OSBPL1A: variants seen among roughly 807,000 people sequenced by gnomAD.
OSBPL1A encodes the protein oxysterol binding protein like 1A.
Under a neutral mutation model 137.1 loss-of-function variants are expected in OSBPL1A, and 80 were observed. That is an observed-to-expected ratio of 0.58 (90% CI 0.49 to 0.70). The LOEUF is 0.70. OSBPL1A is among the 30% of genes least tolerant of loss of function. OSBPL1A has a pLI of 0.00. For missense variants in OSBPL1A, 970 were observed against 1,129.4 expected (o/e 0.86, Z 2.02); for synonymous variants, 365 against 389.7 (o/e 0.94, Z 0.75).
chr18:24,258,993 A>G (rs959456857), intron 15 of OSBPL1A, among the ~76,000 whole-genome samples: 2 of 130,732 alleles, frequency 1.5e-5, no homozygotes, highest in South Asian at 2.4e-4. Context: ...GCTGGAGTGC[A>G]GTGGCAGGAT....
rs778887750 is a variant in OSBPL1A at position 24,239,263 on chromosome 18, G to T, written c.1401C>A (p.Pro467=). 2 of 1,614,074 alleles carry T rather than the reference G, an allele frequency of 1.2e-6. No individual in the cohort carries two copies. Among genetic ancestry groups the T allele is most frequent in the Middle Eastern group, 1.7e-4 (1 of 6,054 alleles). The change falls in exon 16 of 28, where the codon CCC becomes CCA. Residue 467 remains proline (P), a synonymous_variant. Transcript: ENST00000319481. ...LEQSLVKGSP[P]ASILSEDEFY... ...ACTCGTCCTCGCTAAGGATGCTGGC[G>T]GGTGGAGAGCCTTTCACCAGAGACT...
chr18:24,388,628 C>T (rs1269999654), intron 1 of OSBPL1A, among the ~76,000 whole-genome samples: 1 of 151,732 alleles, frequency 6.6e-6, no homozygotes, highest in Non-Finnish European at 1.5e-5. Flanking sequence ...GGCGAAACTC[C>T]GTCTCTACTA....
At chr18:24,179,178 A>T (rs1023793885) in intron 20 of OSBPL1A, 5 of 152,618 alleles carry the variant, frequency 3.3e-5, no homozygotes, top group African/African-American at 1.2e-4. Context: ...TGCCAAACTT[A>T]GTGCAGACAC....
At chr18:24,325,813 A>C (rs1239522784) in intron 7 of OSBPL1A, among the ~76,000 whole-genome samples, 1 of 152,262 alleles carries the variant, frequency 6.6e-6, no homozygotes, top group Non-Finnish European at 1.5e-5. Context: ...ACAAAATTAA[A>C]CATTTATCAA....
intron 4 of OSBPL1A, among the ~76,000 whole-genome samples, chr18:24,363,117 T>C (rs2091648573): frequency 6.6e-6 from 1 of 152,224 alleles, no homozygotes; most frequent in East Asian, 1.9e-4. Context: ...AGCATGAGGC[T>C]GCTTTTTCTA....
At chr18:24,236,096 G>A (rs1034157971) in intron 16 of OSBPL1A, among the ~76,000 whole-genome samples, 1 of 152,148 alleles carries the variant, frequency 6.6e-6, no homozygotes, top group Non-Finnish European at 1.5e-5. Flanking sequence ...TGGACACCTT[G>A]ATGTTGGAAC....
At chr18:24,255,617 T>C (rs1210948807) in intron 15 of OSBPL1A, among the ~76,000 whole-genome samples, 1 of 152,184 alleles carries the variant, frequency 6.6e-6, no homozygotes, top group Non-Finnish European at 1.5e-5. Flanking sequence ...ACCGAACCAA[T>C]GTTCATCTTA....
At chr18:24,227,499 C>T (rs2088122189) in intron 16 of OSBPL1A, among the ~76,000 whole-genome samples, 1 of 152,174 alleles carries the variant, frequency 6.6e-6, no homozygotes, top group African/African-American at 2.4e-5. Context: ...CAGTCTGGTT[C>T]AGGTAAACAG....
chr18:24,186,419 T>C, intron 18 of OSBPL1A, among the ~76,000 whole-genome samples: 1 of 152,272 alleles, frequency 6.6e-6, no homozygotes, highest in Non-Finnish European at 1.5e-5. Flanking sequence ...TGTTCAAAAA[T>C]ATTCTAATCT....
intron 15 of OSBPL1A, among the ~76,000 whole-genome samples, chr18:24,246,527 A>T (rs1209032573): frequency 6.6e-6 from 1 of 152,072 alleles, no homozygotes; most frequent in Non-Finnish European, 1.5e-5. Context: ...GCAGTGGCTC[A>T]TACCTGTAAT....
chr18:24,213,992 T>A (rs2145971865), intron 17 of OSBPL1A, among the ~76,000 whole-genome samples: 1 of 152,264 alleles, frequency 6.6e-6, no homozygotes, highest in African/African-American at 2.4e-5. Context: ...AGGCTTTTAG[T>A]TTACTAAGAA....
intron 4 of OSBPL1A, among the ~76,000 whole-genome samples, chr18:24,356,180 GAAA>G (rs113351753): frequency 1.3e-5 from 2 of 149,168 alleles, no homozygotes; most frequent in African/African-American, 4.9e-5. Flanking sequence ...CATCTCAAAA[GAAA>G]AAAAAAAAAG....
intron 17 of OSBPL1A, among the ~76,000 whole-genome samples, chr18:24,204,734 C>CA (rs1366651192): frequency 3.3e-5 from 5 of 152,138 alleles, no homozygotes; most frequent in African/African-American, 4.8e-5. Flanking sequence ...ATGCCTTTCA[C>CA]AAACAGGGTC....
At chr18:24,235,737 T>C (rs1184676594) in intron 16 of OSBPL1A, among the ~76,000 whole-genome samples, 1 of 152,160 alleles carries the variant, frequency 6.6e-6, no homozygotes, top group East Asian at 1.9e-4. Context: ...GCTGGAGATA[T>C]AAATTTGGGG....
At chr18:24,177,322 C>T (rs1312499015) in intron 21 of OSBPL1A, among the ~76,000 whole-genome samples, 7 of 152,156 alleles carry the variant, frequency 4.6e-5, no homozygotes, top group South Asian at 2.1e-4. Context: ...AGAACTTTTT[C>T]GGTCGGCCTC....
chr18:24,238,428 C>T (rs965243704), intron 16 of OSBPL1A, among the ~76,000 whole-genome samples: 3 of 152,164 alleles, frequency 2.0e-5, no homozygotes, highest in Non-Finnish European at 2.9e-5. Flanking sequence ...CCAAAAAGGT[C>T]AAAACTACTT....
chr18:24,378,226 A>G (rs529259461), intron 1 of OSBPL1A, among the ~76,000 whole-genome samples: 17 of 152,336 alleles, frequency 1.1e-4, no homozygotes, highest in African/African-American at 3.6e-4. Context: ...ATAAATAAAA[A>G]TCATTCAAAC....
In OSBPL1A at chr18:24,312,067, T is replaced by G. The variant is rs1568018810; in HGVS notation, c.1009A>C (p.Thr337Pro). 2 of 1,613,984 alleles carry G rather than the reference T, an allele frequency of 1.2e-6. No homozygotes were observed. Among genetic ancestry groups the G allele is most frequent in the Non-Finnish European group, 1.7e-6 (2 of 1,179,976 alleles). ...AGCTGGTCCTGGGAACAGTAGTGAGTGCTGTAAGCAGAATGTTCTTCTATT... is the reference window on the plus strand; with the variant it reads ...AGCTGGTCCTGGGAACAGTAGTGAGGGCTGTAAGCAGAATGTTCTTCTATT... ...EAIEEHSAYSTHYCSQDQLTD... is the reference protein window; with the variant it reads ...EAIEEHSAYSPHYCSQDQLTD... The change falls in exon 13 of 28, where the codon ACT becomes CCT. Residue 337 changes from threonine to proline, a missense_variant. Thr to Pro is a conservative substitution (Grantham distance 38). This residue lies in a region of OSBPL1A where 647 missense variants were observed against 672.6 expected (regional missense o/e 0.96). Transcript: ENST00000319481.
intron 15 of OSBPL1A, among the ~76,000 whole-genome samples, chr18:24,273,269 T>A (rs190044071): frequency 8.5e-5 from 13 of 152,294 alleles, no homozygotes; most frequent in African/African-American, 3.1e-4. Flanking sequence ...ATAATAACTG[T>A]TACTGTACTT....
Sources: allele counts gnomAD v4.1 joint callset (sites outside exome capture counted in the v4.1 genomes callset), GRCh38; gene constraint gnomAD v4.1.1; regional missense constraint gnomAD v4.1.1; transcripts MANE v1.5; gene names NCBI Gene and HGNC (gene_info 2026-07-23, HGNC 2026-07-21).